Variants in MYO19 observed in about 807,000 individuals in gnomAD.
The protein encoded by MYO19 is myosin XIX.
A neutral mutation model predicts 129.2 loss-of-function variants in MYO19; 132 were observed. That is an observed-to-expected ratio of 1.02 (90% CI 0.89 to 1.18). MYO19 has a LOEUF of 1.18. MYO19 is among the 50% of genes most tolerant of loss of function. The pLI is 0.00. For missense variants in MYO19, 1,210 were observed against 1,216.7 expected (o/e 0.99, Z 0.08); for synonymous variants, 531 against 477.2 (o/e 1.11, Z -1.47).
chr17:36,520,000 T>G (rs931670048), intron 6 of MYO19, among the ~76,000 whole-genome samples: 20 of 151,300 alleles, frequency 1.3e-4, no homozygotes, highest in African/African-American at 4.4e-4. Flanking sequence ...TTAAGATACT[T>G]TTTTTCCTTT....
chr17:36,536,160 G>T (rs796151173), upstream of MYO19, among the ~76,000 whole-genome samples: 1 of 152,248 alleles, frequency 6.6e-6, no homozygotes, highest in Non-Finnish European at 1.5e-5. Flanking sequence ...ACTAGTATGT[G>T]CTATACATCC....
chr17:36,517,771 T>A (rs955166883), intron 6 of MYO19, among the ~76,000 whole-genome samples: 2 of 152,080 alleles, frequency 1.3e-5, no homozygotes, highest in African/African-American at 4.8e-5. Context: ...GGAGAAGGGA[T>A]CTTCGGGAGG....
chr17:36,514,148 G>C (rs1412965818), intron 9 of MYO19, among the ~76,000 whole-genome samples: 1 of 152,180 alleles, frequency 6.6e-6, no homozygotes, highest in Non-Finnish European at 1.5e-5. Flanking sequence ...CATTCTAGGA[G>C]AGCCCTTAAA....
Position 36,507,487 on chromosome 17 carries a change from T to A in MYO19, c.1379A>T (p.Glu460Val), listed in dbSNP as rs577311907. The A allele has an allele frequency of 6.2e-7, 1 of 1,613,678 alleles. No homozygotes were observed. The highest frequency in any genetic ancestry group is 1.3e-5 in the African/African-American group (1 of 74,982). ...QQEEYAVEGL[E>V]WSFINYQDNQ... ...GTCCTGGTAGTTGATGAATGACCAC[T>A]CCAGGCCCTCAACTGCGTATTCCTC... is the stretch of plus-strand genomic sequence containing the variant. The change falls in exon 16 of 26, where the codon GAG (glutamate) becomes GTG (valine). Residue 460 changes from glutamate (E) to valine (V), a missense_variant. Coordinates refer to ENST00000614623, the MANE Select transcript of MYO19 (RefSeq NM_001163735.2).
In MYO19 at chr17:36,495,917, A is replaced by G; in HGVS notation, c.*334T>C. On this transcript the variant is annotated 3_prime_UTR_variant, in exon 26 of 26. Coordinates refer to ENST00000614623, the MANE Select transcript of MYO19 (RefSeq NM_001163735.2). ...CCAACTTTGGCTGTTTTCTTCCAAA[A>G]GTGCTTATGTGGAATTGGGATCCCC... The G allele has an allele frequency of 1.7e-6, 2 of 1,162,882 alleles. No homozygotes were observed. The highest frequency in any genetic ancestry group is 2.2e-6 in the Non-Finnish European group (2 of 923,714). The allele number at this position is 1,162,882 out of a possible 1,614,324, so 72.0% of individuals were successfully genotyped here.
chr17:36,513,046 C>T (rs1490886098), intron 11 of MYO19: 1 of 1,146,040 alleles, frequency 8.7e-7, no homozygotes, highest in Non-Finnish European at 1.1e-6. Context: ...GAAATAAACA[C>T]ACACAGAGGA....
At chr17:36,513,086 T>G in intron 11 of MYO19, 2 of 1,308,960 alleles carry the variant, frequency 1.5e-6, no homozygotes, top group East Asian at 6.4e-5. Context: ...AGCAGAGAAG[T>G]GTGAACATGA....
In MYO19 at chr17:36,528,163, C is replaced by T; in HGVS notation, c.52G>A (p.Glu18Lys). 1 of 1,606,936 alleles carries T rather than the reference C, an allele frequency of 6.2e-7. No homozygotes were observed. Among genetic ancestry groups the T allele is most frequent in the Non-Finnish European group, 8.5e-7 (1 of 1,176,474 alleles). The change falls in exon 4 of 26, where the codon GAG becomes AAG. Residue 18 changes from glutamate (E) to lysine (K), a missense_variant. Glu to Lys is a moderately conservative substitution (Grantham distance 56). Coordinates refer to ENST00000614623, the MANE Select transcript of MYO19 (RefSeq NM_001163735.2). ...TCCTGCAGGTCTTCTCTGAGGTACTCCCTGGCTTGGCCATCAGACCCCGGA... is the reference window on the plus strand; with the variant it reads ...TCCTGCAGGTCTTCTCTGAGGTACTTCCTGGCTTGGCCATCAGACCCCGGA... ...HNPGSDGQAR[E>K]YLREDLQEFL...
At position 36,510,931 on chromosome 17, in the gene MYO19, A is replaced by G; in HGVS notation, c.986-14T>C. ...TCCTGACAGAGTCTGGGAGGGGCAA[A>G]TCCTCTTTAGGCAAATCACTCTCCA... On this transcript the variant is annotated splice_polypyrimidine_tract_variant and intron_variant, in intron 12 of 25. Transcript: ENST00000614623. 1 of 1,560,962 alleles carries G rather than the reference A, an allele frequency of 6.4e-7. No individual in the cohort carries two copies. The highest frequency in any genetic ancestry group is 8.7e-7 in the Non-Finnish European group (1 of 1,151,652).
rs11431632 is a variant in MYO19 at position 36,519,639 on chromosome 17, CA to C, written c.415-3650del. On this transcript the variant is annotated intron_variant, in intron 6 of 25. Coordinates refer to ENST00000614623, the MANE Select transcript of MYO19 (RefSeq NM_001163735.2). The stretch of plus-strand genomic sequence containing the variant: ...TTATAGTGATTATCTTCTAAAGAGA[CA>C]AAAAAAAAAAAAAGATTTTACATCT... 7.9e-3 allele frequency among the ~76,000 whole-genome samples: 1,057 copies of C among 133,348 alleles called. 3 individuals are homozygous for C. The highest frequency in any genetic ancestry group is 0.021 in the African/African-American group (768 of 35,760). The allele number at this position is 133,348 out of a possible 152,430, so 87.5% of individuals were successfully genotyped here.
intron 6 of MYO19, among the ~76,000 whole-genome samples, chr17:36,524,857 G>A (rs1156534794): frequency 6.6e-6 from 1 of 152,200 alleles, no homozygotes; most frequent in Non-Finnish European, 1.5e-5. Flanking sequence ...TGAGAGCTTT[G>A]CAGAAGCTAC....
Position 36,532,542 on chromosome 17 carries a change from C to T in MYO19, c.-4G>A. ...GAGGTTTTACCTGCTGGAGCATCCT[C>T]CTTCAAAGTGGTCAGCCAGGGTTCT... On this transcript the variant is annotated 5_prime_UTR_variant, in exon 3 of 26. Coordinates refer to ENST00000614623, the MANE Select transcript of MYO19 (RefSeq NM_001163735.2). 10 of 1,554,848 alleles carry T rather than the reference C, an allele frequency of 6.4e-6. No homozygotes were observed. Among genetic ancestry groups the T allele is most frequent in the Non-Finnish European group, 8.7e-6 (10 of 1,148,750 alleles).
chr17:36,529,886 C>T (rs914847232), intron 3 of MYO19, among the ~76,000 whole-genome samples: 6 of 152,134 alleles, frequency 3.9e-5, no homozygotes, highest in African/African-American at 1.4e-4. Context: ...ATGTTAATTT[C>T]TTAATCTCTT....
intron 6 of MYO19, among the ~76,000 whole-genome samples, chr17:36,523,207 A>T (rs1737197857): frequency 6.6e-6 from 1 of 151,242 alleles, no homozygotes; most frequent in Admixed American, 6.6e-5. Context: ...AAAAACAAAA[A>T]CAAAATAAAG....
intron 25 of MYO19, among the ~76,000 whole-genome samples, chr17:36,497,344 A>G (rs906309045): frequency 6.6e-6 from 1 of 151,288 alleles, no homozygotes; most frequent in African/African-American, 2.4e-5. Flanking sequence ...ACCCACAGAG[A>G]ACTTGGACCA....
upstream of MYO19, chr17:36,537,610 G>C (rs1471965245): frequency 1.2e-6 from 2 of 1,614,120 alleles, no homozygotes; most frequent in East Asian, 2.2e-5. Flanking sequence ...ATGGATTTTG[G>C]AGTAGGTGGC....
chr17:36,537,043 C>T (rs2074149219), upstream of MYO19: 1 of 1,466,886 alleles, frequency 6.8e-7, no homozygotes, highest in Admixed American at 2.2e-5. Context: ...ATGCTAATTA[C>T]ACAAGAATGC....
At chr17:36,499,658 TTGTTTC>T in intron 23 of MYO19, 6 of 139,762 alleles carry the variant, frequency 4.3e-5, no homozygotes, top group African/African-American at 1.6e-4. Context: ...CTTTTTCTTT[TTGTTTC>T]TTTTTTTTTT....
At chr17:36,526,013 G>A (rs1199169577) in intron 5 of MYO19, among the ~76,000 whole-genome samples, 7 of 152,074 alleles carry the variant, frequency 4.6e-5, no homozygotes, top group African/African-American at 1.2e-4. Context: ...GGAGGGCCAC[G>A]CCATCTCCAC....
Sources: allele counts gnomAD v4.1 joint callset (sites outside exome capture counted in the v4.1 genomes callset), GRCh38; gene constraint gnomAD v4.1.1; transcripts MANE v1.5; gene names NCBI Gene and HGNC (gene_info 2026-07-23, HGNC 2026-07-21).